Variants in SMUG1 observed in about 807,000 individuals in gnomAD.
The protein encoded by SMUG1 is single-strand selective monofunctional uracil DNA glycosylase.
In SMUG1, 13 loss-of-function variants were observed where a neutral mutation model predicts 23.9. The ratio of observed to expected loss-of-function variants is 0.54; its 90% CI spans 0.35 to 0.86. SMUG1 has a LOEUF of 0.86. Ranked by LOEUF, SMUG1 falls within the 40% of genes least tolerant of loss-of-function variation. The pLI is 0.01. For missense variants in SMUG1, 313 were observed against 339.5 expected (o/e 0.92, Z 0.61); for synonymous variants, 133 against 139.8 (o/e 0.95, Z 0.34).
At chr12:54,182,792 G>A in intron 3 of SMUG1, 169 bp from the exon 4 acceptor site, 2 of 1,320,974 alleles carry the variant, frequency 1.5e-6, no homozygotes, top group Non-Finnish European at 2.0e-6. Context: ...GTTTGAGCCT[G>A]TCTGTCTTTT....
At chr12:54,176,650 C>G (rs570094814), downstream of SMUG1, among the ~76,000 whole-genome samples, 38 of 150,640 alleles carry the variant, frequency 2.5e-4, 1 homozygote, top group East Asian at 9.9e-4. Flanking sequence ...ACTAAAAATA[C>G]AAAAAAATTA....
downstream of SMUG1, among the ~76,000 whole-genome samples, chr12:54,163,969 G>A (rs2136530529): frequency 6.6e-6 from 1 of 152,250 alleles, no homozygotes; most frequent in East Asian, 1.9e-4. Context: ...CTGAATCCAA[G>A]CAGTATAACT....
chr12:54,175,673 T>C (rs1375270663), downstream of SMUG1, among the ~76,000 whole-genome samples: 6 of 152,212 alleles, frequency 3.9e-5, no homozygotes, highest in Admixed American at 3.9e-4. Context: ...GTTCACAACA[T>C]GCTTTCAGCT....
downstream of SMUG1, among the ~76,000 whole-genome samples, chr12:54,160,898 C>T (rs1455697595): frequency 1.3e-5 from 2 of 152,350 alleles, no homozygotes; most frequent in Admixed American, 6.5e-5. Flanking sequence ...TCAACCTCAC[C>T]GCCACCAGCG....
intron 3 of SMUG1, among the ~76,000 whole-genome samples, chr12:54,169,774 C>T (rs1002497586): frequency 6.6e-6 from 1 of 152,068 alleles, no homozygotes; most frequent in Non-Finnish European, 1.5e-5. Flanking sequence ...AAATCAGGTA[C>T]TCAGTAAAAT....
chr12:54,181,867 G>A lies in SMUG1; in HGVS notation c.*229C>T. 7.0e-7 allele frequency: 1 copy of A among 1,422,410 alleles called. No individual in the cohort carries two copies. Among genetic ancestry groups the A allele is most frequent in the Non-Finnish European group, 9.1e-7 (1 of 1,093,852 alleles). The allele number at this position is 1,422,410 out of a possible 1,614,324, so 88.1% of individuals were successfully genotyped here. ...CCTACAAAGTGGGGTCCCCTGAAAG[G>A]GGCAATGTTAAAAGGTAAAGAAAGC... On this transcript the variant is annotated 3_prime_UTR_variant, in exon 4 of 4. Transcript: ENST00000682136.
chr12:54,168,345 A>G (rs1193463312), intron 3 of SMUG1: 2 of 152,154 alleles, frequency 1.3e-5, no homozygotes, highest in Non-Finnish European at 2.9e-5. Context: ...TTGCTCCTCA[A>G]AATGTGACTT....
downstream of SMUG1, among the ~76,000 whole-genome samples, chr12:54,161,245 C>T (rs1292516323): frequency 2.6e-5 from 4 of 152,014 alleles, no homozygotes; most frequent in Admixed American, 6.6e-5. The surrounding 1 kb of genome is among the most constrained non-coding windows in gnomAD (Gnocchi z 4.2). Context: ...TGTTTCTCGG[C>T]GCGCAAAGCT....
chr12:54,188,367 C>G (rs1943058976), intron 1 of SMUG1: 2 of 150,176 alleles, frequency 1.3e-5, no homozygotes, highest in African/African-American at 4.9e-5. Context: ...GTGGCTCACA[C>G]CCGTAATCCG....
chr12:54,183,469 A>T, intron 3 of SMUG1, 187 bp downstream of exon 3: 1 of 615,062 alleles, frequency 1.6e-6, no homozygotes, highest in Non-Finnish European at 2.9e-6. Context: ...GTGCTTGGTT[A>T]ATTACGGGCA....
In SMUG1 at chr12:54,183,758, T is replaced by C. The variant is rs758092563; in HGVS notation, c.183A>G (p.Ala61=). ...TCACGTAGTTGCGATGTGGCTCCCA[T>C]GCATACTCCACGGGATTGTAGATGA... ...VGIIYNPVEY[A]WEPHRNYVTR... is the part of the protein sequence containing the mutation. The change falls in exon 3 of 4, where the codon GCA becomes GCG. Residue 61 remains alanine, a synonymous_variant. Coordinates refer to ENST00000682136, the MANE Select transcript of SMUG1 (RefSeq NM_001243787.2). 6.2e-7 allele frequency: 1 copy of C among 1,614,082 alleles called. No individual in the cohort carries two copies. The highest frequency in any genetic ancestry group is 8.5e-7 in the Non-Finnish European group (1 of 1,179,990).
Position 54,185,467 on chromosome 12 carries a change from CAAAAAAAAAT to C in SMUG1, c.-19-1518_-19-1509del, listed in dbSNP as rs1232430838. Among the ~76,000 whole-genome samples the C allele has an allele frequency of 3.0e-3, 256 of 84,882 alleles. 11 individuals are homozygous for C. Among genetic ancestry groups the C allele is most frequent in the African/African-American group, 9.5e-3 (245 of 25,764 alleles). 55.7% of individuals were successfully genotyped at this position (84,882 alleles called of 152,430 possible). ...TGGGCAAAAGAGCAAGACTCCATCT[CAAAAAAAAAT>C]AAAATAAAAAATAAATAAATAAATA... On this transcript the variant is annotated intron_variant, in intron 2 of 3. Transcript: ENST00000682136.
At chr12:54,173,468 C>T (rs1940675657) in intron 2 of SMUG1, among the ~76,000 whole-genome samples, 1 of 152,086 alleles carries the variant, frequency 6.6e-6, no homozygotes, top group South Asian at 2.1e-4. Flanking sequence ...GCAGAGCGGG[C>T]GCGGCGCCGG....
chr12:54,174,144 G>A (rs1313550766), intron 2 of SMUG1, among the ~76,000 whole-genome samples: 1 of 152,040 alleles, frequency 6.6e-6, no homozygotes. Flanking sequence ...GATTCACAGG[G>A]GACACACAGA....
Position 54,182,608 on chromosome 12 carries a change from C to T in SMUG1, c.301G>A (p.Val101Ile). Residue 101 changes from valine (V) to isoleucine (I), a missense_variant, in exon 4 of 4, where the codon GTA becomes ATA. Val to Ile is a conservative substitution (Grantham distance 29). Transcript: ENST00000682136. The part of the protein sequence containing the change: ...MAQTGVPFGE[V>I]SMVRDWLGIV... ...CCCAACCAGTCCCGGACCATGCTTA[C>T]TTCCCCAAAGGGCACCTGTGAGGAA... 1 of 1,609,834 alleles carries T rather than the reference C, an allele frequency of 6.2e-7. No homozygotes were observed. The highest frequency in any genetic ancestry group is 8.5e-7 in the Non-Finnish European group (1 of 1,177,528).
At chr12:54,185,508 ATAAATAAAT>A (rs1942219391) in intron 2 of SMUG1, among the ~76,000 whole-genome samples, 4 of 94,616 alleles carry the variant, frequency 4.2e-5, no homozygotes, top group African/African-American at 1.3e-4. Flanking sequence ...AAATAAATAA[ATAAATAAAT>A]AAATAAATAA....
intron 2 of SMUG1, among the ~76,000 whole-genome samples, chr12:54,174,583 C>A (rs1355116848): frequency 6.6e-6 from 1 of 152,246 alleles, no homozygotes; most frequent in Non-Finnish European, 1.5e-5. Context: ...CCTGCAAAAA[C>A]ATGTCCTCCA....
At position 54,182,613 on chromosome 12, in the gene SMUG1, C is replaced by A. The variant is rs1281763559; in HGVS notation, c.296G>T (p.Gly99Val). Residue 99 changes from glycine (G) to valine (V), a missense_variant, in exon 4 of 4, where the codon GGG becomes GTG. By Grantham distance (109) the Gly-to-Val change is moderately radical. Coordinates refer to ENST00000682136, the MANE Select transcript of SMUG1 (RefSeq NM_001243787.2). Reference sequence around the variant, plus strand: ...CCAGTCCCGGACCATGCTTACTTCCCCAAAGGGCACCTGTGAGGAAGGAGA... The same window carrying A: ...CCAGTCCCGGACCATGCTTACTTCCACAAAGGGCACCTGTGAGGAAGGAGA... Reference protein sequence around the residue: ...FGMAQTGVPFGEVSMVRDWLG... With the variant: ...FGMAQTGVPFVEVSMVRDWLG... The A allele has an allele frequency of 6.2e-7, 1 of 1,607,642 alleles. No homozygotes were observed. The highest frequency in any genetic ancestry group is 1.3e-5 in the African/African-American group (1 of 74,634).
chr12:54,176,653 A>G (rs1445701467), downstream of SMUG1, among the ~76,000 whole-genome samples: 1 of 151,106 alleles, frequency 6.6e-6, no homozygotes, highest in Non-Finnish European at 1.5e-5. Flanking sequence ...AAAAATACAA[A>G]AAAATTAGCC....
Sources: allele counts gnomAD v4.1 joint callset (sites outside exome capture counted in the v4.1 genomes callset), GRCh38; gene constraint gnomAD v4.1.1; non-coding constraint Gnocchi (gnomAD v3.1); transcripts MANE v1.5; gene names NCBI Gene and HGNC (gene_info 2026-07-23, HGNC 2026-07-21).